The following REV1 variants were observed in gnomAD, a reference collection of about 807,000 sequenced individuals.
The protein encoded by REV1 is REV1 DNA directed polymerase, also known as translesion synthesis protein REV1.
Under a neutral mutation model 137.4 loss-of-function variants are expected in REV1, and 42 were observed. That is an observed-to-expected ratio of 0.31 (90% CI 0.24 to 0.40). The LOEUF (loss-of-function observed/expected upper bound fraction) is 0.40. REV1 is among the 10% of genes least tolerant of loss of function. REV1 has a pLI of 1.00. For missense variants in REV1, 1,282 were observed against 1,490.1 expected (o/e 0.86, Z 2.30); for synonymous variants, 524 against 519.2 (o/e 1.01, Z -0.12).
intron 3 of REV1, among the ~76,000 whole-genome samples, chr2:99,452,139 T>C (rs1228238132): frequency 6.6e-6 from 1 of 152,060 alleles, no homozygotes; most frequent in Non-Finnish European, 1.5e-5. Flanking sequence ...GAAAAAAAAT[T>C]GGGAGCCAAG....
intron 12 of REV1, among the ~76,000 whole-genome samples, chr2:99,416,709 G>T (rs1372122535): frequency 6.6e-6 from 1 of 151,896 alleles, no homozygotes; most frequent in Non-Finnish European, 1.5e-5. Flanking sequence ...GGCGGATCAT[G>T]AGGTCAGGAG....
intron 12 of REV1, among the ~76,000 whole-genome samples, chr2:99,416,070 C>T (rs998868853): frequency 5.3e-5 from 8 of 152,156 alleles, no homozygotes; most frequent in African/African-American, 1.2e-4. Flanking sequence ...TATTACTGTG[C>T]GCAGCACGTA....
intron 1 of REV1, among the ~76,000 whole-genome samples, chr2:99,481,684 G>C (rs1049132267): frequency 7.4e-6 from 1 of 135,404 alleles, no homozygotes; most frequent in South Asian, 2.2e-4. Flanking sequence ...GCAACATGGG[G>C]AGATCCCTAC....
In REV1 at chr2:99,454,550, CAAAAAAAAAAAAAAAAAAAAAAAAAA is replaced by C. The variant is rs373850478; in HGVS notation, c.182-5072_182-5047del. 4.6e-4 allele frequency among the ~76,000 whole-genome samples: 38 copies of C among 82,368 alleles called. 2 individuals are homozygous for C. The highest frequency in any genetic ancestry group is 1.0e-3 in the Admixed American group (7 of 6,908). 54.0% of individuals were successfully genotyped at this position (82,368 alleles called of 152,430 possible). ...GGGCAACAAGAGTGAAACTCCAGCT[CAAAAAAAAAAAAAAAAAAAAAAAAAA>C]AAAAAAAAAAAAAAACCCAAAAATT... On this transcript the variant is annotated intron_variant, in intron 3 of 22. Coordinates refer to ENST00000258428, the MANE Select transcript of REV1 (RefSeq NM_016316.4).
rs768680906 is a variant in REV1, at chr2:99,412,742, T to G, written c.2161A>C (p.Arg721=). The part of the protein sequence containing the change: ...SVSAEINYGI[R]FTQPKEAEAF... ...TCAATGATCAGTACCTGAGTAAACC[T>G]TATTCCATAGTTGATCTCAGCTGAA... The change falls in exon 13 of 23, where the codon AGG becomes CGG. Residue 721 remains arginine, a synonymous_variant. Transcript: ENST00000258428. 1 of 1,613,450 alleles carries G rather than the reference T, an allele frequency of 6.2e-7. No homozygotes were observed. The highest frequency in any genetic ancestry group is 8.5e-7 in the Non-Finnish European group (1 of 1,179,352).
At chr2:99,454,079 C>A (rs186723732) in intron 3 of REV1, among the ~76,000 whole-genome samples, 135 of 151,824 alleles carry the variant, frequency 8.9e-4, no homozygotes, top group Admixed American at 3.0e-3. Context: ...CCAGGCTAGA[C>A]TGCAATGGCT....
At chr2:99,466,162 A>G (rs1187529333) in intron 1 of REV1, among the ~76,000 whole-genome samples, 3 of 152,176 alleles carry the variant, frequency 2.0e-5, no homozygotes. Flanking sequence ...CATGTGAGCC[A>G]GGATGGTCTC....
At chr2:99,447,610 A>G (rs11899745) in intron 4 of REV1, among the ~76,000 whole-genome samples, 67,487 of 152,148 alleles carry the variant, frequency 0.44, 15,222 homozygotes, top group Admixed American at 0.58. Context: ...TAGGCACTGC[A>G]CCAGGTTGTA....
At chr2:99,403,260 C>T in intron 19 of REV1, 154 bp from the exon 20 acceptor site, 1 of 644,492 alleles carries the variant, frequency 1.6e-6, no homozygotes, top group Non-Finnish European at 2.6e-6. Context: ...ATGGCAATGG[C>T]CCAAAGTACA....
chr2:99,453,679 G>C (rs1325634450), intron 3 of REV1, among the ~76,000 whole-genome samples: 4 of 151,792 alleles, frequency 2.6e-5, no homozygotes, highest in Non-Finnish European at 5.9e-5. Context: ...CGGATCACAA[G>C]GTCAGGAGTT....
chr2:99,403,402 T>G (rs1675784559), intron 19 of REV1: 1 of 559,162 alleles, frequency 1.8e-6, no homozygotes, highest in Non-Finnish European at 3.2e-6. Context: ...TTTAATGTAT[T>G]CATCTCAAAG....
At chr2:99,437,588 C>T (rs190385437) in intron 6 of REV1, among the ~76,000 whole-genome samples, 4 of 152,188 alleles carry the variant, frequency 2.6e-5, no homozygotes, top group South Asian at 2.1e-4. Context: ...CTCAAAATAA[C>T]GCTTTTAAAC....
chr2:99,426,106 G>A lies in REV1; in HGVS notation c.1548-1826C>T, dbSNP rs1464229673. Among the ~76,000 whole-genome samples the A allele has an allele frequency of 4.0e-5, 6 of 151,724 alleles. No individual in the cohort carries two copies. In the East Asian group the frequency reaches 9.8e-4, roughly 25 times the overall value. On this transcript the variant is annotated intron_variant, in intron 9 of 22. Coordinates refer to ENST00000258428, the MANE Select transcript of REV1 (RefSeq NM_016316.4). ...CACATCTGTAATCCCAGCACTTTGG[G>A]AGGCCGAGGTGGATGGATCACCTGA...
At chr2:99,431,121 TC>T (rs1424486791) in intron 8 of REV1, among the ~76,000 whole-genome samples, 1 of 152,204 alleles carries the variant, frequency 6.6e-6, no homozygotes, top group Non-Finnish European at 1.5e-5. Context: ...CTTAAACAAC[TC>T]TTCCTGGTTT....
intron 4 of REV1, among the ~76,000 whole-genome samples, chr2:99,447,081 T>C (rs927997464): frequency 1.1e-4 from 17 of 152,102 alleles, no homozygotes; most frequent in African/African-American, 3.6e-4. Flanking sequence ...AAGGAATCAG[T>C]GGGATGTTAT....
intron 4 of REV1, among the ~76,000 whole-genome samples, chr2:99,447,397 C>T (rs778949017): frequency 6.6e-6 from 1 of 152,176 alleles, no homozygotes; most frequent in Non-Finnish European, 1.5e-5. Context: ...TTCTCGATCT[C>T]TTGACCTCGT....
chr2:99,403,251 T>G, intron 19 of REV1, 145 bp from the exon 20 acceptor site: 1 of 666,890 alleles, frequency 1.5e-6, no homozygotes, highest in South Asian at 2.0e-5. Flanking sequence ...AGGCAGTGAA[T>G]GGCAATGGCC....
chr2:99,485,639 C>T (rs1687054283), intron 1 of REV1, among the ~76,000 whole-genome samples: 1 of 152,214 alleles, frequency 6.6e-6, no homozygotes, highest in African/African-American at 2.4e-5. Context: ...GAGATAATCA[C>T]TCTTAGCATC....
intron 1 of REV1, among the ~76,000 whole-genome samples, chr2:99,471,958 G>A (rs1195045764): frequency 1.3e-5 from 2 of 150,734 alleles, no homozygotes; most frequent in South Asian, 2.1e-4. Context: ...GAGCCCTGTT[G>A]GTGGGAATAT....
Sources: allele counts gnomAD v4.1 joint callset (sites outside exome capture counted in the v4.1 genomes callset), GRCh38; gene constraint gnomAD v4.1.1; transcripts MANE v1.5; gene names NCBI Gene and HGNC (gene_info 2026-07-23, HGNC 2026-07-21).